Variants in SH3GL3 observed in about 807,000 individuals in gnomAD.
SH3GL3 encodes endophilin-A3.
SH3GL3 carries 33 observed loss-of-function variants against 47.7 expected under a neutral mutation model. The ratio of observed to expected loss-of-function variants is 0.69; its 90% confidence interval spans 0.52 to 0.92. The LOEUF is 0.92. SH3GL3 is among the 40% of genes least tolerant of loss of function. The pLI is 0.00. For synonymous variants in SH3GL3, 155 were observed against 148.8 expected, an observed-to-expected ratio of 1.04 and a Z score of -0.30; for missense variants, 363 against 417.8, an observed-to-expected ratio of 0.87 and a Z score of 1.14.
intron 1 of SH3GL3, chr15:83,490,749 C>T (rs2041840915): frequency 6.3e-7 from 1 of 1,596,076 alleles, no homozygotes; most frequent in Non-Finnish European, 8.5e-7. Context: ...CTTTTAATTA[C>T]AGGAGCTTTT....
At chr15:83,450,785 A>ATTT (rs770343862) in intron 1 of SH3GL3, among the ~76,000 whole-genome samples, 1 of 12,452 alleles carries the variant, frequency 8.0e-5, no homozygotes, top group Non-Finnish European at 1.4e-4. Context: ...AAGGTTATAG[A>ATTT]TTTTCTTTTT....
intron 2 of SH3GL3, among the ~76,000 whole-genome samples, chr15:83,559,656 G>A (rs370524238): frequency 1.3e-5 from 2 of 152,218 alleles, no homozygotes; most frequent in Admixed American, 6.5e-5. Flanking sequence ...GAATCAAAAT[G>A]TATTTCTGGG....
chr15:83,573,087 CAAG>C (rs1217726348), intron 5 of SH3GL3, among the ~76,000 whole-genome samples: 1 of 152,176 alleles, frequency 6.6e-6, no homozygotes, highest in Non-Finnish European at 1.5e-5. Flanking sequence ...CATTACTTCT[CAAG>C]AAGATCAATA....
chr15:83,593,680 T>G (rs1445737180), intron 8 of SH3GL3, among the ~76,000 whole-genome samples: 2 of 152,224 alleles, frequency 1.3e-5, no homozygotes, highest in Non-Finnish European at 2.9e-5. Context: ...GCCTTTGTTT[T>G]TCTTGCCTTT....
At chr15:83,603,606 C>G (rs1046302718) in intron 8 of SH3GL3, among the ~76,000 whole-genome samples, 3 of 152,156 alleles carry the variant, frequency 2.0e-5, no homozygotes, top group African/African-American at 7.2e-5. Flanking sequence ...GGTACAGAAA[C>G]AGTTTGCTTT....
At chr15:83,619,798 C>T (rs1400630003), downstream of SH3GL3, among the ~76,000 whole-genome samples, 1 of 152,200 alleles carries the variant, frequency 6.6e-6, no homozygotes, top group Non-Finnish European at 1.5e-5. Context: ...GTGGCAATTT[C>T]TTAAAATAAG....
At chr15:83,491,001 G>C in intron 1 of SH3GL3, 1 of 1,564,044 alleles carries the variant, frequency 6.4e-7, no homozygotes, top group Non-Finnish European at 8.7e-7. Context: ...AGAAGGTACA[G>C]ATCTTCATGG....
chr15:83,570,417 A>ATTTACTT (rs2045760303), intron 4 of SH3GL3, among the ~76,000 whole-genome samples: 2 of 152,146 alleles, frequency 1.3e-5, no homozygotes, highest in African/African-American at 4.8e-5. Flanking sequence ...ATACTTTAAT[A>ATTTACTT]TATTATTTAC....
intron 1 of SH3GL3, among the ~76,000 whole-genome samples, chr15:83,490,221 T>A (rs1296265396): frequency 6.6e-6 from 1 of 151,816 alleles, no homozygotes; most frequent in Non-Finnish European, 1.5e-5. Context: ...CTGGCTTCTT[T>A]CTGCTGTGGG....
chr15:83,497,335 C>T (rs1040517318), intron 1 of SH3GL3, among the ~76,000 whole-genome samples: 1 of 152,034 alleles, frequency 6.6e-6, no homozygotes, highest in Admixed American at 6.6e-5. Flanking sequence ...GCCTATTGTT[C>T]GAGGAATGCA....
At chr15:83,616,283 T>A (rs1444155482) in intron 8 of SH3GL3, among the ~76,000 whole-genome samples, 1 of 146,912 alleles carries the variant, frequency 6.8e-6, no homozygotes, top group Non-Finnish European at 1.5e-5. Context: ...GATGGAGTCT[T>A]GCTCTGTCCC....
intron 6 of SH3GL3, among the ~76,000 whole-genome samples, chr15:83,584,229 G>T (rs1042839996): frequency 6.6e-6 from 1 of 151,962 alleles, no homozygotes; most frequent in South Asian, 2.1e-4. Flanking sequence ...GCATCTTCAC[G>T]TATCTCATTC....
At chr15:83,551,908 A>G (rs2044688621) in intron 1 of SH3GL3, among the ~76,000 whole-genome samples, 1 of 152,060 alleles carries the variant, frequency 6.6e-6, no homozygotes, top group Non-Finnish European at 1.5e-5. Context: ...TTAATCAGCC[A>G]TTTCTTTGCT....
At chr15:83,588,521 C>T (rs572081835) in intron 7 of SH3GL3, 141 bp from the exon 8 acceptor site, 2 of 628,432 alleles carry the variant, frequency 3.2e-6, no homozygotes, top group Admixed American at 2.5e-5. Context: ...TCGGGCTACT[C>T]AAGAGTCAGT....
At chr15:83,508,712 G>A (rs2042619065) in intron 1 of SH3GL3, among the ~76,000 whole-genome samples, 1 of 152,128 alleles carries the variant, frequency 6.6e-6, no homozygotes, top group African/African-American at 2.4e-5. Flanking sequence ...CAAGTAGCTG[G>A]GATTACAGGC....
intron 8 of SH3GL3, among the ~76,000 whole-genome samples, chr15:83,616,410 C>T (rs569846684): frequency 9.2e-5 from 14 of 152,086 alleles, no homozygotes; most frequent in Non-Finnish European, 5.9e-5. Context: ...CCCGCCACCA[C>T]GCCCGGCTAA....
chr15:83,543,450 G>A (rs2044259578), intron 1 of SH3GL3, among the ~76,000 whole-genome samples: 1 of 151,736 alleles, frequency 6.6e-6, no homozygotes, highest in Non-Finnish European at 1.5e-5. Flanking sequence ...TTGTTGTTTT[G>A]TTTGTTTGTT....
intron 7 of SH3GL3, 34 bp from the exon 8 acceptor site, chr15:83,588,628 A>C: frequency 7.8e-7 from 1 of 1,283,356 alleles, no homozygotes; most frequent in Non-Finnish European, 1.1e-6. Flanking sequence ...TTTCAACATC[A>C]GATGTCTGGC....
chr15:83,628,928 T>C, the SH3GL3 span, among the ~76,000 whole-genome samples: 4 of 152,280 alleles, frequency 2.6e-5, no homozygotes, highest in South Asian at 4.1e-4. Context: ...AAATCAATTA[T>C]GTTTCTATGT....
Sources: gnomAD v4.1 joint callset for allele counts (sites outside exome capture counted in the v4.1 genomes callset) on GRCh38, gnomAD v4.1.1 for gene constraint, MANE v1.5 for transcripts, NCBI Gene and HGNC (gene_info 2026-07-23, HGNC 2026-07-21) for gene names.